TRDMT1: variants seen among roughly 807,000 people sequenced by gnomAD.
TRDMT1 encodes the protein tRNA aspartic acid methyltransferase 1, also known as tRNA (cytosine(38)-C(5))-methyltransferase.
A neutral mutation model predicts 51.2 loss-of-function variants in TRDMT1; 49 were observed. The observed-to-expected ratio is 0.96, with a 90% CI of 0.76 to 1.21. The LOEUF is 1.21. Among genes scored for constraint, TRDMT1 ranks in the 50% most tolerant of loss-of-function variants. The pLI, the probability that TRDMT1 is intolerant of heterozygous loss-of-function variation, is 0.00. For missense variants in TRDMT1, 534 were observed against 462.3 expected, an observed-to-expected ratio of 1.16 and a Z score of -1.42; for synonymous variants, 187 against 164.6, an observed-to-expected ratio of 1.14 and a Z score of -1.04.
rs766070885 is a variant in TRDMT1, at chr10:17,184,098, G to A, written c.65-9438C>T. On this transcript the variant is annotated intron_variant, in intron 1 of 10. Transcript: ENST00000377799. ...AGAGCTGAAAGTAACCTATTCACATGCTTATAGAAGTCAAAAGATATAAAC... is the reference window on the plus strand; with the variant it reads ...AGAGCTGAAAGTAACCTATTCACATACTTATAGAAGTCAAAAGATATAAAC... Among the ~76,000 whole-genome samples the A allele has an allele frequency of 9.2e-4, 140 of 152,168 alleles. 1 individual carries two copies. Among genetic ancestry groups the A allele is most frequent in the Non-Finnish European group, 1.8e-3 (121 of 68,012 alleles).
intron 7 of TRDMT1, among the ~76,000 whole-genome samples, chr10:17,158,832 A>C (rs1156461625): frequency 6.6e-6 from 1 of 152,206 alleles, no homozygotes; most frequent in East Asian, 1.9e-4. Flanking sequence ...ATAAATGCAA[A>C]ATAGTCAACG....
At position 17,174,573 on chromosome 10, in the gene TRDMT1, T is replaced by C. The variant is rs767328457; in HGVS notation, c.152A>G (p.Gln51Arg). Residue 51 changes from glutamine (Q) to arginine (R), a missense_variant, in exon 2 of 11, where the codon CAG becomes CGG. Transcript: ENST00000377799. ...CACTTCAATCGTCTTGGCAAGTAAC[T>C]GTGTGTGAGGAAAATTATACTTGTA... Reference protein sequence around the residue: ...EVYKYNFPHTQLLAKTIEGIT... With the variant: ...EVYKYNFPHTRLLAKTIEGIT... 1.2e-6 allele frequency: 2 copies of C among 1,612,940 alleles called. No individual in the cohort carries two copies. The highest frequency in any genetic ancestry group is 2.2e-5 in the East Asian group (1 of 44,878).
At position 17,186,353 on chromosome 10, in the gene TRDMT1, C is replaced by T. The variant is rs553253829; in HGVS notation, c.65-11693G>A. On this transcript the variant is annotated intron_variant, in intron 1 of 10. Coordinates refer to ENST00000377799, the MANE Select transcript of TRDMT1 (RefSeq NM_004412.7). ...TGAGGAGATTATCCTGAATTATGCA[C>T]GTGGGCCCAGTATAATCACAGGAAG... 5.3e-5 allele frequency among the ~76,000 whole-genome samples: 8 copies of T among 152,074 alleles called. No individual in the cohort carries two copies. The East Asian group carries it at 5.8e-4, about 11-fold the overall frequency.
intron 5 of TRDMT1, among the ~76,000 whole-genome samples, 168 bp downstream of exon 5, chr10:17,161,315 T>C (rs973447939): frequency 2.0e-5 from 3 of 152,216 alleles, no homozygotes; most frequent in Non-Finnish European, 2.9e-5. Flanking sequence ...ATACTTATTG[T>C]AATACTTACT....
In TRDMT1 at chr10:17,144,297, C is replaced by A; in HGVS notation, c.*4743G>T. The A allele has an allele frequency of 1.0e-6, 1 of 985,468 alleles. No homozygotes were observed. The highest frequency in any genetic ancestry group is 1.2e-6 in the Non-Finnish European group (1 of 829,924). The allele number at this position is 985,468 out of a possible 1,614,324, so 61.0% of individuals were successfully genotyped here. On this transcript the variant is annotated 3_prime_UTR_variant, in exon 11 of 11. Coordinates refer to ENST00000377799, the MANE Select transcript of TRDMT1 (RefSeq NM_004412.7). ...AATCTGTCCTGATAAAAATAGAAAT[C>A]AAAATGCAAACAAAATACAGAGCAA...
chr10:17,171,093 G>A (rs1841917534), intron 2 of TRDMT1, among the ~76,000 whole-genome samples: 2 of 143,550 alleles, frequency 1.4e-5, no homozygotes, highest in Admixed American at 7.2e-5. Context: ...TCACCATTTG[G>A]TATGTTACTG....
chr10:17,161,097 C>T (rs752212644), intron 5 of TRDMT1, among the ~76,000 whole-genome samples: 2 of 152,114 alleles, frequency 1.3e-5, no homozygotes, highest in African/African-American at 2.4e-5. Flanking sequence ...TGAAAGAACC[C>T]CGACACAGGA....
intron 1 of TRDMT1, among the ~76,000 whole-genome samples, chr10:17,177,713 AACACAC>A (rs372220525): frequency 2.0e-4 from 29 of 147,144 alleles, no homozygotes; most frequent in Admixed American, 4.1e-4. Context: ...ATAGACAAGA[AACACAC>A]ACACACACAC....
At chr10:17,150,593 A>G in intron 10 of TRDMT1, 1 of 985,338 alleles carries the variant, frequency 1.0e-6, no homozygotes, top group Non-Finnish European at 1.2e-6. Context: ...AGCATACTCT[A>G]GCATAGCAAG....
Position 17,140,037 on chromosome 10 carries a change from C to CTTTTTGTTTTTTTT in TRDMT1, c.*9002_*9003insAAAAAAAACAAAAA, listed in dbSNP as rs1837549723. 4.6e-5 allele frequency among the ~76,000 whole-genome samples: 1 copy of CTTTTTGTTTTTTTT among 21,914 alleles called. No individual in the cohort carries two copies. Among genetic ancestry groups the CTTTTTGTTTTTTTT allele is most frequent in the African/African-American group, 1.9e-4 (1 of 5,348 alleles). The allele number at this position is 21,914 out of a possible 152,430, so 14.4% of individuals were successfully genotyped here. ...TATTCTTCCAGTAACATCTAGTGTG[C>CTTTTTGTTTTTTTT]TTTTTTTTTTTTTTTTTTTTTTTTT... is the stretch of plus-strand genomic sequence containing the variant. On this transcript the variant is annotated 3_prime_UTR_variant, in exon 11 of 11. Coordinates refer to ENST00000377799, the MANE Select transcript of TRDMT1 (RefSeq NM_004412.7).
intron 1 of TRDMT1, among the ~76,000 whole-genome samples, chr10:17,179,756 A>T (rs1244331379): frequency 9.9e-5 from 1 of 10,144 alleles, no homozygotes; most frequent in African/African-American, 2.1e-4. Flanking sequence ...TCTACTAATA[A>T]AAAAAAAAAA....
In TRDMT1 at chr10:17,143,532, C is replaced by G. The variant is rs1029996677; in HGVS notation, c.*5508G>C. On this transcript the variant is annotated 3_prime_UTR_variant, in exon 11 of 11. Coordinates refer to ENST00000377799, the MANE Select transcript of TRDMT1 (RefSeq NM_004412.7). The stretch of plus-strand genomic sequence containing the variant: ...ATTTAACTGGACTTGTGTAAGGAAC[C>G]AGCTAAGTGAGTAAAATAGCAAATA... 1 of 985,220 alleles carries G rather than the reference C, an allele frequency of 1.0e-6. No individual in the cohort carries two copies. Among genetic ancestry groups the G allele is most frequent in the African/African-American group, 1.7e-5 (1 of 57,184 alleles). 61.0% of individuals were successfully genotyped at this position (985,220 alleles called of 1,614,324 possible).
intron 10 of TRDMT1, among the ~76,000 whole-genome samples, chr10:17,149,585 C>T (rs1838429895): frequency 6.6e-6 from 1 of 152,086 alleles, no homozygotes; most frequent in Non-Finnish European, 1.5e-5. Context: ...TCTCCATTAT[C>T]TAATTCCAGA....
rs7900163 is a variant in TRDMT1 at position 17,146,638 on chromosome 10, C to A, written c.*2402G>T. 2.0e-6 allele frequency: 2 copies of A among 983,174 alleles called. No homozygotes were observed. Among genetic ancestry groups the A allele is most frequent in the African/African-American group, 3.5e-5 (2 of 57,102 alleles). 60.9% of individuals were successfully genotyped at this position (983,174 alleles called of 1,614,324 possible). On this transcript the variant is annotated 3_prime_UTR_variant, in exon 11 of 11. Coordinates refer to ENST00000377799, the MANE Select transcript of TRDMT1 (RefSeq NM_004412.7). ...TGATGGGAAAAGGAGAACGAAAAAT[C>A]GGTTTACTGTAAGGTATGGTGAAGA... is the stretch of plus-strand genomic sequence containing the variant.
Position 17,145,313 on chromosome 10 carries a change from G to A in TRDMT1, c.*3727C>T. 1.0e-6 allele frequency: 1 copy of A among 984,956 alleles called. No individual in the cohort carries two copies. The highest frequency in any genetic ancestry group is 1.2e-6 in the Non-Finnish European group (1 of 829,866). 61.0% of individuals were successfully genotyped at this position (984,956 alleles called of 1,614,324 possible). A position where few individuals can be genotyped will look rare whatever the true frequency, so the allele number is the denominator to read the frequency against. Reference sequence around the variant, plus strand: ...GCAAAGGGAAACTCTCAAATGAAAGGCATAACTAGACATCTTGGTGGGTGT... The same window carrying A: ...GCAAAGGGAAACTCTCAAATGAAAGACATAACTAGACATCTTGGTGGGTGT... On this transcript the variant is annotated 3_prime_UTR_variant, in exon 11 of 11. Coordinates refer to ENST00000377799, the MANE Select transcript of TRDMT1 (RefSeq NM_004412.7).
rs889777044 is a variant in TRDMT1, at chr10:17,140,694, A to T, written c.*8346T>A. Among the ~76,000 whole-genome samples, 1 of 151,572 alleles carries T rather than the reference A, an allele frequency of 6.6e-6. No homozygotes were observed. The highest frequency in any genetic ancestry group is 1.5e-5 in the Non-Finnish European group (1 of 67,974). On this transcript the variant is annotated 3_prime_UTR_variant, in exon 11 of 11. Coordinates refer to ENST00000377799, the MANE Select transcript of TRDMT1 (RefSeq NM_004412.7). ...TTTGAAAGAAAGAACATTTTAAATG[A>T]TAAAACTAATATTATGCCACATTGA...
intron 8 of TRDMT1, among the ~76,000 whole-genome samples, chr10:17,156,241 T>TC (rs1446478705): frequency 6.8e-6 from 1 of 148,070 alleles, no homozygotes; most frequent in Non-Finnish European, 1.5e-5. Context: ...AAATTTTTCT[T>TC]TTTTTTTTTT....
At chr10:17,167,484 T>C (rs1841371493) in intron 3 of TRDMT1, among the ~76,000 whole-genome samples, 1 of 152,160 alleles carries the variant, frequency 6.6e-6, no homozygotes, top group South Asian at 2.1e-4. Context: ...ATCCTCTGCA[T>C]AAGACACAGA....
chr10:17,152,301 G>C (rs1284582641), intron 10 of TRDMT1, among the ~76,000 whole-genome samples: 2 of 152,090 alleles, frequency 1.3e-5, no homozygotes, highest in Non-Finnish European at 2.9e-5. Flanking sequence ...AAGAGGCAGG[G>C]AGTACAAAAT....
Sources: allele counts gnomAD v4.1 joint callset (sites outside exome capture counted in the v4.1 genomes callset), GRCh38; gene constraint gnomAD v4.1.1; transcripts MANE v1.5; gene names NCBI Gene and HGNC (gene_info 2026-07-23, HGNC 2026-07-21).